IL17RD: variants seen among roughly 807,000 people sequenced by gnomAD.
IL17RD encodes the protein interleukin 17 receptor D.
IL17RD carries 52 observed loss-of-function variants against 80.5 expected under a neutral mutation model. That is an observed-to-expected ratio of 0.65 (90% confidence interval 0.52 to 0.81). The LOEUF (loss-of-function observed/expected upper bound fraction) is 0.81. IL17RD is among the 40% of genes least tolerant of loss of function. The probability of loss-of-function intolerance (pLI) is 0.00; values close to 1 mark genes in which losing one functional copy is unlikely to be tolerated. For synonymous variants in IL17RD, 416 were observed against 391.8 expected (o/e 1.06, Z -0.73); for missense variants, 1,024 against 955.1 (o/e 1.07, Z -0.95).
At position 57,101,260 on chromosome 3, in the gene IL17RD, G is replaced by A. The variant is rs943888626; in HGVS notation, c.1083C>T (p.Cys361=). The part of the protein sequence containing the change: ...RLRPRPKVFL[C]YSSKDGQNHM... ...GATTCTGGCCATCTTTACTGGAATA[G>A]CAGAGAAAGACCTTCGGCCGCGGCC... The change falls in exon 11 of 13, where the codon TGC becomes TGT. Residue 361 remains cysteine, a synonymous_variant. Transcript: ENST00000296318. The A allele has an allele frequency of 1.2e-6, 2 of 1,613,658 alleles. No homozygotes were observed. Among genetic ancestry groups the A allele is most frequent in the Non-Finnish European group, 1.7e-6 (2 of 1,179,632 alleles).
intron 11 of IL17RD, 45 bp from the exon 12 acceptor site, chr3:57,098,583 A>G (rs756100947): frequency 3.0e-6 from 4 of 1,341,662 alleles, no homozygotes; most frequent in Admixed American, 2.2e-5. Flanking sequence ...AGGCTCGGGA[A>G]GAGGCTCGGG....
rs142814200 is a variant in IL17RD at position 57,124,557 on chromosome 3, C to T, written c.127-4244G>A. 1.1e-3 allele frequency among the ~76,000 whole-genome samples: 165 copies of T among 152,208 alleles called. 1 individual carries two copies. Among genetic ancestry groups the T allele is most frequent in the African/African-American group, 3.8e-3 (157 of 41,522 alleles). On this transcript the variant is annotated intron_variant, in intron 1 of 12. Transcript: ENST00000296318. ...GAGCTAAGGAGCCACAGAAAGCAGGCGGCCTCTGGAGACTGAAAAAGGCAA... is the reference window on the plus strand; with the variant it reads ...GAGCTAAGGAGCCACAGAAAGCAGGTGGCCTCTGGAGACTGAAAAAGGCAA...
At chr3:57,152,057 T>A (rs552802591) in intron 1 of IL17RD, among the ~76,000 whole-genome samples, 8 of 152,244 alleles carry the variant, frequency 5.3e-5, no homozygotes, top group Admixed American at 3.9e-4. Flanking sequence ...TGGTTAACCC[T>A]GAGTGATTTC....
upstream of IL17RD, chr3:57,165,394 C>G (rs939784514): frequency 5.5e-5 from 53 of 966,158 alleles, no homozygotes; most frequent in Non-Finnish European, 6.6e-5. Flanking sequence ...CGAAGGGGAC[C>G]GCACTGGGCA....
upstream of IL17RD, chr3:57,170,160 C>G (rs1421295252): frequency 6.6e-6 from 1 of 152,468 alleles, no homozygotes; most frequent in African/African-American, 2.4e-5. Flanking sequence ...AACAGAAAAC[C>G]TGGGGCGGCG....
At chr3:57,149,842 C>A (rs922769564) in intron 1 of IL17RD, among the ~76,000 whole-genome samples, 2 of 152,204 alleles carry the variant, frequency 1.3e-5, no homozygotes, top group African/African-American at 4.8e-5. Context: ...CCAGGCACCA[C>A]AGGCCATCTC....
intron 1 of IL17RD, among the ~76,000 whole-genome samples, chr3:57,163,432 G>A (rs2060319790): frequency 6.6e-6 from 1 of 152,084 alleles, no homozygotes; most frequent in African/African-American, 2.4e-5. Flanking sequence ...CTCCGTCAGG[G>A]CACTACCATA....
intron 1 of IL17RD, 194 bp downstream of exon 1, chr3:57,164,967 T>A (rs1481070574): frequency 5.3e-6 from 7 of 1,318,006 alleles, no homozygotes; most frequent in African/African-American, 1.6e-5. Context: ...GCCGCTTTCA[T>A]CTCGGCCAGG....
chr3:57,127,188 A>G (rs1161113254), intron 1 of IL17RD, among the ~76,000 whole-genome samples: 2 of 122,022 alleles, frequency 1.6e-5, no homozygotes, highest in Non-Finnish European at 3.1e-5. Flanking sequence ...ACTCATATAT[A>G]TATATATATA....
intron 12 of IL17RD, 70 bp from the exon 13 acceptor site, chr3:57,096,575 A>T: frequency 9.3e-7 from 1 of 1,076,330 alleles, no homozygotes; most frequent in Non-Finnish European, 1.4e-6. Context: ...TGCTCATGGC[A>T]GAATGTGACT....
intron 1 of IL17RD, among the ~76,000 whole-genome samples, chr3:57,147,655 T>A (rs1352255750): frequency 6.6e-6 from 1 of 152,104 alleles, no homozygotes; most frequent in Non-Finnish European, 1.5e-5. Context: ...CCTCATCAAA[T>A]GTGGGGACAG....
At chr3:57,163,959 C>T (rs966908867) in intron 1 of IL17RD, among the ~76,000 whole-genome samples, 1 of 152,072 alleles carries the variant, frequency 6.6e-6, no homozygotes, top group Non-Finnish European at 1.5e-5. Flanking sequence ...CACCAGCCTG[C>T]GTGCCTAAGG....
chr3:57,156,511 G>A (rs2060268396), intron 1 of IL17RD, among the ~76,000 whole-genome samples: 1 of 152,130 alleles, frequency 6.6e-6, no homozygotes, highest in African/African-American at 2.4e-5. Context: ...ACTGCAATAA[G>A]CTATGATCAC....
chr3:57,125,974 C>T (rs1025666576), intron 1 of IL17RD, among the ~76,000 whole-genome samples: 20 of 152,272 alleles, frequency 1.3e-4, no homozygotes, highest in Middle Eastern at 3.4e-3. Flanking sequence ...TGGTGTTACA[C>T]TGATTTATGG....
chr3:57,101,032 G>A (rs1049450916), intron 11 of IL17RD, 147 bp downstream of exon 11: 1 of 615,998 alleles, frequency 1.6e-6, no homozygotes. Context: ...AAAAAAGAGT[G>A]CGAGACTATC....
chr3:57,106,159 T>C lies in IL17RD; in HGVS notation c.551-5A>G, dbSNP rs766124884. 4.4e-6 allele frequency: 7 copies of C among 1,606,678 alleles called. No individual in the cohort carries two copies. The Admixed American group carries it at 1.2e-4, about 27-fold the overall frequency. ...GCTGTAACAACAGGTCACAGGCTAT[T>C]AAGAGAATAAAGATACATGTTTTTA... On this transcript the variant is annotated splice_region_variant and splice_polypyrimidine_tract_variant and intron_variant, in intron 5 of 12. Coordinates refer to ENST00000296318, the MANE Select transcript of IL17RD (RefSeq NM_017563.5).
intron 11 of IL17RD, among the ~76,000 whole-genome samples, chr3:57,098,937 G>T (rs968304085): frequency 6.6e-6 from 1 of 152,218 alleles, no homozygotes; most frequent in Non-Finnish European, 1.5e-5. Flanking sequence ...GGTGAGTGAG[G>T]TGCCTAGATT....
At chr3:57,125,343 G>A (rs1329213940) in intron 1 of IL17RD, among the ~76,000 whole-genome samples, 3 of 152,086 alleles carry the variant, frequency 2.0e-5, no homozygotes, top group African/African-American at 7.2e-5. Flanking sequence ...GGAGGTGGAG[G>A]TTGCAGTGAG....
upstream of IL17RD, chr3:57,169,296 G>T: frequency 2.0e-6 from 1 of 512,478 alleles, no homozygotes; most frequent in South Asian, 1.4e-5. Flanking sequence ...GTGAGAGGTG[G>T]CTGTCATCTG....
Sources: allele counts gnomAD v4.1 joint callset (sites outside exome capture counted in the v4.1 genomes callset), GRCh38; gene constraint gnomAD v4.1.1; transcripts MANE v1.5; gene names NCBI Gene and HGNC (gene_info 2026-07-23, HGNC 2026-07-21).